The following PTPRN2 variants were observed in gnomAD, a reference collection of about 807,000 sequenced individuals.
PTPRN2 encodes protein tyrosine phosphatase receptor type N2, also known as receptor-type tyrosine-protein phosphatase N2.
PTPRN2 carries 74 observed loss-of-function variants against 118.8 expected under a neutral mutation model. That is an observed-to-expected ratio of 0.62 (90% CI 0.52 to 0.76). The LOEUF (loss-of-function observed/expected upper bound fraction) is 0.76. PTPRN2 is among the 30% of genes least tolerant of loss of function. The probability of loss-of-function intolerance (pLI) is 0.00; values close to 1 mark genes in which losing one functional copy is unlikely to be tolerated. For missense variants in PTPRN2, 1,481 were observed against 1,394.4 expected (o/e 1.06, Z -0.99); for synonymous variants, 641 against 608.0 (o/e 1.05, Z -0.80).
At chr7:158,332,225 T>C (rs1196312376) in intron 2 of PTPRN2, among the ~76,000 whole-genome samples, 5 of 144,738 alleles carry the variant, frequency 3.5e-5, no homozygotes, top group Non-Finnish European at 7.4e-5. Flanking sequence ...ATCCACACTC[T>C]GTCCATAAGA....
At chr7:158,275,159 C>A (rs1323094216) in intron 3 of PTPRN2, among the ~76,000 whole-genome samples, 1 of 152,218 alleles carries the variant, frequency 6.6e-6, no homozygotes, top group Non-Finnish European at 1.5e-5. Flanking sequence ...AGTGGCCAAG[C>A]CTGGACCAGC....
chr7:157,799,562 G>A (rs190702023), intron 12 of PTPRN2, among the ~76,000 whole-genome samples: 7 of 152,028 alleles, frequency 4.6e-5, no homozygotes, highest in African/African-American at 1.7e-4. Flanking sequence ...CATCTGACTC[G>A]CACACTGCCC....
Position 157,745,081 on chromosome 7 carries a change from G to A in PTPRN2, c.1789-62144C>T, listed in dbSNP as rs959690542. Among the ~76,000 whole-genome samples the A allele has an allele frequency of 7.2e-5, 11 of 152,294 alleles. No individual in the cohort carries two copies. The South Asian group carries it at 1.5e-3, about 20-fold the overall frequency. ...TGCCACCGCATCTGGGTTGGGTCAC[G>A]ATGCTCCCCTTGCACGGAGCTAAGA... On this transcript the variant is annotated intron_variant, in intron 12 of 22. Coordinates refer to ENST00000389418, the MANE Select transcript of PTPRN2 (RefSeq NM_002847.5).
intron 6 of PTPRN2, among the ~76,000 whole-genome samples, chr7:158,143,396 C>T (rs1486083921): frequency 6.6e-6 from 1 of 152,194 alleles, no homozygotes; most frequent in African/African-American, 2.4e-5. Flanking sequence ...CGGCATTGGG[C>T]ATGGCTGTCC....
At chr7:158,032,925 T>G (rs1807795596) in intron 11 of PTPRN2, among the ~76,000 whole-genome samples, 1 of 152,186 alleles carries the variant, frequency 6.6e-6, no homozygotes, top group African/African-American at 2.4e-5. Flanking sequence ...AAGGCATTAC[T>G]GCAGAGGAAG....
rs1208288126 is a variant in PTPRN2 at position 157,617,381 on chromosome 7, C to T, written c.2344+3981G>A. ...CCGTTCACGCAGCTGCAGCGCAGAG[C>T]ACGGGCGACGCTGGCTCACGATGCC... On this transcript the variant is annotated intron_variant, in intron 15 of 22. Coordinates refer to ENST00000389418, the MANE Select transcript of PTPRN2 (RefSeq NM_002847.5). This position sits in a 1 kb window ranked among gnomAD's most constrained non-coding sequence, Gnocchi z 7.5. The T allele has an allele frequency of 6.7e-6, 1 of 149,006 alleles. No individual in the cohort carries two copies. The highest frequency in any genetic ancestry group is 1.5e-5 in the Non-Finnish European group (1 of 67,432). The allele number at this position is 149,006 out of a possible 1,614,324, so 9.2% of individuals were successfully genotyped here. A position where few individuals can be genotyped will look rare whatever the true frequency, so the allele number is the denominator to read the frequency against.
At chr7:157,909,587 C>T (rs73165895) in intron 11 of PTPRN2, among the ~76,000 whole-genome samples, 3 of 152,242 alleles carry the variant, frequency 2.0e-5, no homozygotes, top group African/African-American at 7.2e-5. Flanking sequence ...CGGGACGCCC[C>T]GGCCAGCTCC....
intron 2 of PTPRN2, among the ~76,000 whole-genome samples, chr7:158,462,277 C>CTGA (rs1170827302): frequency 6.6e-6 from 1 of 152,204 alleles, no homozygotes; most frequent in Non-Finnish European, 1.5e-5. Context: ...ATACAGCGGG[C>CTGA]TGATGCTCCT....
At chr7:157,786,933 C>T (rs953091072) in intron 12 of PTPRN2, among the ~76,000 whole-genome samples, 8 of 152,296 alleles carry the variant, frequency 5.3e-5, no homozygotes, top group South Asian at 2.1e-4. Flanking sequence ...TCTGCACCAC[C>T]GCACACAGAG....
chr7:158,204,074 G>A (rs1295451545), intron 4 of PTPRN2, among the ~76,000 whole-genome samples: 2 of 151,542 alleles, frequency 1.3e-5, no homozygotes, highest in South Asian at 2.1e-4. Flanking sequence ...CTCAGCGAGC[G>A]CCGTGTGGTG....
intron 11 of PTPRN2, among the ~76,000 whole-genome samples, chr7:157,926,541 T>C (rs1266079805): frequency 6.6e-6 from 1 of 152,208 alleles, no homozygotes; most frequent in Admixed American, 6.5e-5. Flanking sequence ...TTTATTTTAA[T>C]ATTACCTAAA....
intron 12 of PTPRN2, among the ~76,000 whole-genome samples, chr7:157,786,652 G>A (rs1295017102): frequency 2.6e-5 from 4 of 152,332 alleles, no homozygotes; most frequent in East Asian, 1.9e-4. Context: ...AGGCGCTGCC[G>A]GTGAGGGCCA....
In PTPRN2 at chr7:157,901,832, C is replaced by T. The variant is rs183002113; in HGVS notation, c.1724-3095G>A. ...GGCGGGGCCTCCCCGTCCGTGTTTC[C>T]TTGGTTCTGAAGTGGGACCTTCCCG... On this transcript the variant is annotated intron_variant, in intron 11 of 22. Coordinates refer to ENST00000389418, the MANE Select transcript of PTPRN2 (RefSeq NM_002847.5). 1.2e-4 allele frequency among the ~76,000 whole-genome samples: 16 copies of T among 138,592 alleles called. No homozygotes were observed. The East Asian group carries it at 3.0e-3, about 26-fold the overall frequency. The allele number at this position is 138,592 out of a possible 152,430, so 90.9% of individuals were successfully genotyped here. A position where few individuals can be genotyped will look rare whatever the true frequency, so the allele number is the denominator to read the frequency against.
At chr7:157,657,400 A>G (rs111161528) in intron 13 of PTPRN2, among the ~76,000 whole-genome samples, 13,103 of 99,672 alleles carry the variant, frequency 0.13, 74 homozygotes, top group African/African-American at 0.16. Context: ...CACACACCAC[A>G]CACATCACAC....
At chr7:158,087,267 G>C (rs78201647) in intron 10 of PTPRN2, among the ~76,000 whole-genome samples, 1 of 152,214 alleles carries the variant, frequency 6.6e-6, no homozygotes, top group Non-Finnish European at 1.5e-5. Flanking sequence ...GCTTTCCTTC[G>C]GGAATGACGT....
At chr7:157,911,884 C>G (rs1798126781) in intron 11 of PTPRN2, among the ~76,000 whole-genome samples, 1 of 152,140 alleles carries the variant, frequency 6.6e-6, no homozygotes, top group Non-Finnish European at 1.5e-5. Flanking sequence ...TGTTCTGAGA[C>G]TCAGATTCGG....
intron 2 of PTPRN2, among the ~76,000 whole-genome samples, chr7:158,435,806 C>T (rs1484002303): frequency 6.6e-6 from 1 of 152,134 alleles, no homozygotes; most frequent in African/African-American, 2.4e-5. Context: ...ATGAGCTGAG[C>T]GAAGTAATCC....
chr7:158,384,354 G>A (rs997073047), intron 2 of PTPRN2, among the ~76,000 whole-genome samples: 2 of 152,222 alleles, frequency 1.3e-5, no homozygotes, highest in African/African-American at 4.8e-5. Context: ...CAGCCGGGAT[G>A]TGGGGACCGC....
At chr7:158,112,159 G>A (rs372079746) in intron 9 of PTPRN2, among the ~76,000 whole-genome samples, 4 of 152,166 alleles carry the variant, frequency 2.6e-5, no homozygotes, top group African/African-American at 4.8e-5. Flanking sequence ...CTTTGGAAGT[G>A]TGCGCCAGCA....
Sources: gnomAD v4.1 joint callset for allele counts (sites outside exome capture counted in the v4.1 genomes callset) on GRCh38, gnomAD v4.1.1 for gene constraint, Gnocchi (gnomAD v3.1) non-coding constraint, MANE v1.5 for transcripts, NCBI Gene and HGNC (gene_info 2026-07-23, HGNC 2026-07-21) for gene names.